The following CHD7 variants were observed in gnomAD, a reference collection of about 807,000 sequenced individuals.
The protein encoded by CHD7 is ATP-dependent chromatin remodeler CHD7.
In CHD7, 24 loss-of-function variants were observed where a neutral mutation model predicts 307.3. That is an observed-to-expected ratio of 0.08 (90% confidence interval 0.06 to 0.11). CHD7 has a LOEUF of 0.11. Ranked by LOEUF, CHD7 falls within the 10% of genes least tolerant of loss-of-function variation. The pLI is 1.00. For synonymous variants in CHD7, 1,363 were observed against 1,349.9 expected (o/e 1.01, Z -0.21); for missense variants, 3,106 against 3,727.1 (o/e 0.83, Z 4.34).
Position 60,743,089 on chromosome 8 carries a change from G to C in CHD7, c.1657G>C (p.Val553Leu). 6.2e-7 allele frequency: 1 copy of C among 1,613,072 alleles called. No homozygotes were observed. Among genetic ancestry groups the C allele is most frequent in the Non-Finnish European group, 8.5e-7 (1 of 1,179,454 alleles). ...SPQNTPQKVP[V>L]HQHSPSEPFL... ...CCAGAACACCCCGCAGAAAGTGCCT[G>C]TGCATCAGGTAAGGGGACACAGAGC... Residue 553 changes from valine (V) to leucine (L), a missense_variant, in exon 2 of 38, where the codon GTG becomes CTG. Transcript: ENST00000423902.
Position 60,741,387 on chromosome 8 carries a change from G to T in CHD7, c.-46G>T. ...AACACCTCAGTGAAGTGAAGCACAG[G>T]CAAGCTCCTGAGCTGTGGTTTGGAG... On this transcript the variant is annotated 5_prime_UTR_variant, in exon 2 of 38. Coordinates refer to ENST00000423902, the MANE Select transcript of CHD7 (RefSeq NM_017780.4). 1 of 1,419,722 alleles carries T rather than the reference G, an allele frequency of 7.0e-7. No individual in the cohort carries two copies. The highest frequency in any genetic ancestry group is 1.3e-5 in the South Asian group (1 of 76,266). The allele number at this position is 1,419,722 out of a possible 1,614,324, so 87.9% of individuals were successfully genotyped here.
chr8:60,742,319 G>A lies in CHD7; in HGVS notation c.887G>A (p.Ser296Asn). The A allele has an allele frequency of 1.9e-6, 3 of 1,613,932 alleles. No homozygotes were observed. The highest frequency in any genetic ancestry group is 1.1e-5 in the South Asian group (1 of 91,080). Residue 296 changes from serine to asparagine, a missense_variant, in exon 2 of 38, where the codon AGC becomes AAC. Around this residue, in one of 10 missense-constraint regions of CHD7, gnomAD observed 998 missense variants for 1,004.5 expected, o/e 0.99. Transcript: ENST00000423902. ...RPQTLNFSSRSQTVPSPTINN... is the reference protein window; with the variant it reads ...RPQTLNFSSRNQTVPSPTINN... ...CAAACCCTTAACTTTAGTTCTCGGA[G>A]CCAGACAGTCCCCTCTCCTACTATA...
At chr8:60,786,707 G>T (rs945902842) in intron 3 of CHD7, among the ~76,000 whole-genome samples, 1 of 152,218 alleles carries the variant, frequency 6.6e-6, no homozygotes, top group Non-Finnish European at 1.5e-5. Flanking sequence ...ATGTGGTTAT[G>T]ATGTTAGGGC....
intron 2 of CHD7, among the ~76,000 whole-genome samples, chr8:60,764,487 C>T (rs2150628879): frequency 6.6e-6 from 1 of 152,194 alleles, no homozygotes; most frequent in South Asian, 2.1e-4. Context: ...TCTAGCAGTA[C>T]TTTTGTTTGG....
At chr8:60,851,404 G>C in intron 28 of CHD7, 85 bp downstream of exon 28, 1 of 992,096 alleles carries the variant, frequency 1.0e-6, no homozygotes, top group East Asian at 2.6e-5. Flanking sequence ...CCTGCTTCAT[G>C]ACAGCAGTGT....
intron 1 of CHD7, among the ~76,000 whole-genome samples, chr8:60,707,479 AC>A (rs1171538521): frequency 6.6e-5 from 10 of 152,348 alleles, no homozygotes; most frequent in African/African-American, 1.9e-4. Flanking sequence ...TCTTAATGTA[AC>A]TGATAGCTCA....
chr8:60,853,321 G>A lies in CHD7; in HGVS notation c.6596G>A (p.Ser2199Asn), dbSNP rs1064794854. The change falls in exon 31 of 38, where the codon AGC (serine) becomes AAC (asparagine). Residue 2199 changes from serine (S) to asparagine (N), a missense_variant. Transcript: ENST00000423902. ...GAAGAGGAAGAAGAAACCGATGGCA[G>A]CGGGAAGGAGAGCAAGCAGGAATGT... ...GKEEEEETDGSGKESKQECEA... is the reference protein window; with the variant it reads ...GKEEEEETDGNGKESKQECEA... 4 of 1,600,458 alleles carry A rather than the reference G, an allele frequency of 2.5e-6. No individual in the cohort carries two copies. In the East Asian group the frequency reaches 9.0e-5, roughly 36 times the overall value.
chr8:60,684,100 C>G (rs1161433013), intron 1 of CHD7, among the ~76,000 whole-genome samples: 3 of 152,042 alleles, frequency 2.0e-5, no homozygotes, highest in Non-Finnish European at 4.4e-5. Flanking sequence ...TTTGGGGTTT[C>G]TGTTCTGCTT....
chr8:60,859,826 T>A (rs1285814593), intron 34 of CHD7, among the ~76,000 whole-genome samples: 4 of 152,098 alleles, frequency 2.6e-5, no homozygotes, highest in Non-Finnish European at 4.4e-5. Flanking sequence ...AGAACTTGGA[T>A]TTTGTCCTGG....
At chr8:60,712,128 C>A (rs1807308582) in intron 1 of CHD7, among the ~76,000 whole-genome samples, 1 of 152,190 alleles carries the variant, frequency 6.6e-6, no homozygotes, top group Non-Finnish European at 1.5e-5. Flanking sequence ...TTAACTGTAG[C>A]TTTTAAAGCT....
intron 19 of CHD7, among the ~76,000 whole-genome samples, chr8:60,838,599 A>G (rs1043747708): frequency 3.9e-5 from 6 of 152,238 alleles, no homozygotes; most frequent in African/African-American, 4.8e-5. Context: ...ACAGCCTATA[A>G]GAATGATCAA....
chr8:60,707,369 C>G (rs1208712320), intron 1 of CHD7, among the ~76,000 whole-genome samples: 2 of 152,208 alleles, frequency 1.3e-5, no homozygotes, highest in Non-Finnish European at 2.9e-5. Flanking sequence ...TGCTTGCTTT[C>G]CCTGAGTGCT....
intron 1 of CHD7, among the ~76,000 whole-genome samples, chr8:60,702,994 A>G (rs759894348): frequency 5.3e-5 from 8 of 152,200 alleles, no homozygotes; most frequent in Non-Finnish European, 1.2e-4. Context: ...CACTTTTCAT[A>G]TCTGTTTGCC....
intron 7 of CHD7, among the ~76,000 whole-genome samples, chr8:60,812,654 C>T: frequency 7.7e-6 from 1 of 130,582 alleles, no homozygotes; most frequent in South Asian, 2.3e-4. Flanking sequence ...CAGTGTGAGA[C>T]TACATCTCAA....
intron 2 of CHD7, among the ~76,000 whole-genome samples, chr8:60,761,589 C>G (rs538239882): frequency 6.6e-6 from 1 of 150,600 alleles, no homozygotes; most frequent in African/African-American, 2.4e-5. Flanking sequence ...ATGTTTGGTG[C>G]GAATAGAGTG....
At chr8:60,783,605 C>T (rs1008483097) in intron 3 of CHD7, among the ~76,000 whole-genome samples, 5 of 152,206 alleles carry the variant, frequency 3.3e-5, no homozygotes, top group Non-Finnish European at 7.3e-5. Flanking sequence ...CTTCCCCCCT[C>T]CTGCGGCTTT....
intron 2 of CHD7, among the ~76,000 whole-genome samples, chr8:60,761,282 A>G (rs1456098501): frequency 6.9e-6 from 1 of 144,432 alleles, no homozygotes; most frequent in East Asian, 2.1e-4. Context: ...CATAGGTGGG[A>G]ATTGAACAAT....
rs1805134915 is a variant in CHD7 at position 60,844,845 on chromosome 8, C to G, written c.4851-19C>G. On this transcript the variant is annotated intron_variant, in intron 21 of 37. Coordinates refer to ENST00000423902, the MANE Select transcript of CHD7 (RefSeq NM_017780.4). The stretch of plus-strand genomic sequence containing the variant: ...CAAAACTCACAGGCACCTCTGCATG[C>G]TGGATATTTGCTTTGCAGTTGGGGA... The G allele has an allele frequency of 6.4e-7, 1 of 1,562,696 alleles. No homozygotes were observed. Among genetic ancestry groups the G allele is most frequent in the Non-Finnish European group, 8.7e-7 (1 of 1,150,606 alleles).
intron 15 of CHD7, among the ~76,000 whole-genome samples, chr8:60,834,340 A>G (rs1804653731): frequency 6.6e-6 from 1 of 152,194 alleles, no homozygotes; most frequent in Non-Finnish European, 1.5e-5. Flanking sequence ...AATTAACCAA[A>G]TGTCATAAGA....
Sources: gnomAD v4.1 joint callset for allele counts (sites outside exome capture counted in the v4.1 genomes callset) on GRCh38, gnomAD v4.1.1 for gene constraint, gnomAD v4.1.1 regional missense constraint, MANE v1.5 for transcripts, NCBI Gene and HGNC (gene_info 2026-07-23, HGNC 2026-07-21) for gene names.